Variants in SLBP observed in about 807,000 individuals in gnomAD.
The protein encoded by SLBP is stem-loop histone mRNA binding protein, also known as histone RNA hairpin-binding protein.
SLBP carries 29 observed loss-of-function variants against 39.2 expected under a neutral mutation model. That is an observed-to-expected ratio of 0.74 (90% CI 0.55 to 1.01). The LOEUF (loss-of-function observed/expected upper bound fraction) is 1.01, where lower values mean the gene tolerates loss of function less well. Ranked by LOEUF, SLBP falls within the 50% of genes least tolerant of loss-of-function variation. SLBP has a pLI of 0.00. For synonymous variants in SLBP, 129 were observed against 118.7 expected, an observed-to-expected ratio of 1.09 and a Z score of -0.57; for missense variants, 390 against 350.2, an observed-to-expected ratio of 1.11 and a Z score of -0.91.
intron 2 of SLBP, among the ~76,000 whole-genome samples, chr4:1,705,591 T>C (rs1215917904): frequency 6.6e-6 from 1 of 152,218 alleles, no homozygotes; most frequent in African/African-American, 2.4e-5. Context: ...GCTGACACCT[T>C]CTCACCATGT....
Position 1,703,694 on chromosome 4 carries a change from G to A in SLBP, c.183C>T (p.Thr61=). ...RGAERRPESF[T]TPEGPKPRSR... ...AACGGGGTTTAGGGCCTTCAGGAGT[G>A]GTAAAGCTGCAATAAAAGGAAAATG... The change falls in exon 3 of 8, where the codon ACC becomes ACT. Residue 61 remains threonine (T), a synonymous_variant. Coordinates refer to ENST00000489418, the MANE Select transcript of SLBP (RefSeq NM_006527.4). 6.2e-7 allele frequency: 1 copy of A among 1,607,438 alleles called. No individual in the cohort carries two copies. The highest frequency in any genetic ancestry group is 1.3e-5 in the African/African-American group (1 of 74,910).
rs1715968794 is a variant in SLBP at position 1,692,862 on chromosome 4, T to C, written c.*735A>G. ...CAAAAGCAATAGAAACGTAACAGTC[T>C]TAACAAGAAGTTTACAATTGAATAT... On this transcript the variant is annotated 3_prime_UTR_variant, in exon 8 of 8. Coordinates refer to ENST00000489418, the MANE Select transcript of SLBP (RefSeq NM_006527.4). The C allele has an allele frequency of 6.6e-6, 1 of 152,650 alleles. No homozygotes were observed. The highest frequency in any genetic ancestry group is 1.5e-5 in the Non-Finnish European group (1 of 68,044). The allele number at this position is 152,650 out of a possible 1,614,324, so 9.5% of individuals were successfully genotyped here.
At chr4:1,711,535 TCTC>T (rs957239182) in intron 2 of SLBP, among the ~76,000 whole-genome samples, 9 of 151,920 alleles carry the variant, frequency 5.9e-5, no homozygotes, top group East Asian at 1.9e-4. Flanking sequence ...TCAACTCACT[TCTC>T]CTCGGGACTC....
intron 2 of SLBP, among the ~76,000 whole-genome samples, chr4:1,707,971 C>G (rs1472103798): frequency 1.3e-5 from 2 of 151,320 alleles, no homozygotes; most frequent in African/African-American, 4.9e-5. Context: ...CTCAGCTACT[C>G]AGGAGGCTGA....
intron 7 of SLBP, 23 bp from the exon 8 acceptor site, chr4:1,693,736 G>A (rs764238074): frequency 8.7e-6 from 13 of 1,487,376 alleles, no homozygotes; most frequent in Middle Eastern, 1.7e-4. Context: ...AGCATGGCTC[G>A]GTTGACATTC....
chr4:1,697,619 T>C (rs965483856), intron 5 of SLBP, among the ~76,000 whole-genome samples: 8 of 152,018 alleles, frequency 5.3e-5, no homozygotes, highest in African/African-American at 1.9e-4. Context: ...GGCAGGCAGA[T>C]CACCCAAAGT....
In SLBP at chr4:1,694,801, C is replaced by T. The variant is rs1038372962; in HGVS notation, c.669G>A (p.Glu223=). 1.9e-6 allele frequency: 3 copies of T among 1,613,802 alleles called. No homozygotes were observed. The highest frequency in any genetic ancestry group is 1.3e-5 in the African/African-American group (1 of 75,038). The change falls in exon 7 of 8, where the codon GAG becomes GAA. Residue 223 remains glutamate, a synonymous_variant. Transcript: ENST00000489418. ...VDLESAESSS[E]PQTSSQDDFD... ...AGTCATCCTGAGAGCTGGTCTGGGG[C>T]TCGGAGCTGCTTTCTGCAGATTCAA...
In SLBP at chr4:1,712,212, C is replaced by G; in HGVS notation, c.-24G>C. ...ATGGCAGCACGGGCCGGGCGCGCAGCGCAGGGCCGAGGCTGAGGCGGCGGC... is the reference window on the plus strand; with the variant it reads ...ATGGCAGCACGGGCCGGGCGCGCAGGGCAGGGCCGAGGCTGAGGCGGCGGC... On this transcript the variant is annotated 5_prime_UTR_variant, in exon 1 of 8. Coordinates refer to ENST00000489418, the MANE Select transcript of SLBP (RefSeq NM_006527.4). 7.9e-7 allele frequency: 1 copy of G among 1,257,964 alleles called. No individual in the cohort carries two copies. The highest frequency in any genetic ancestry group is 1.0e-6 in the Non-Finnish European group (1 of 1,000,296). The allele number at this position is 1,257,964 out of a possible 1,614,324, so 77.9% of individuals were successfully genotyped here.
At chr4:1,701,483 T>C (rs1435026376) in intron 3 of SLBP, among the ~76,000 whole-genome samples, 2 of 152,214 alleles carry the variant, frequency 1.3e-5, no homozygotes, top group Admixed American at 1.3e-4. Flanking sequence ...TGCTAGTTTG[T>C]AGTCTGTTAG....
At chr4:1,704,155 C>G (rs1716432164) in intron 2 of SLBP, among the ~76,000 whole-genome samples, 1 of 152,188 alleles carries the variant, frequency 6.6e-6, no homozygotes, top group Non-Finnish European at 1.5e-5. Flanking sequence ...TGGGTGTCCA[C>G]ACTTCAGTAG....
In SLBP at chr4:1,711,875, T is replaced by A; in HGVS notation, c.175A>T (p.Ser59Cys). 1 of 1,340,828 alleles carries A rather than the reference T, an allele frequency of 7.5e-7. No homozygotes were observed. The highest frequency in any genetic ancestry group is 9.6e-7 in the Non-Finnish European group (1 of 1,045,268). The allele number at this position is 1,340,828 out of a possible 1,614,324, so 83.1% of individuals were successfully genotyped here. The change falls in exon 2 of 8, where the codon AGC (serine) becomes TGC (cysteine). Residue 59 changes from serine to cysteine, a missense_variant and splice_region_variant. Coordinates refer to ENST00000489418, the MANE Select transcript of SLBP (RefSeq NM_006527.4). ...CCGACCCCCGGGTCCCGCGCCCACC[T>A]CTCGGGTCTGCGCTCGGCGCCGCGG... ...EHRGAERRPE[S>C]FTTPEGPKPR...
chr4:1,696,099 G>T (rs1049379495), intron 6 of SLBP, 103 bp downstream of exon 6: 2 of 992,282 alleles, frequency 2.0e-6, no homozygotes, highest in Non-Finnish European at 2.9e-6. Context: ...CCCAACAGCT[G>T]CTGGGGGACT....
At chr4:1,708,681 T>G (rs1414654170) in intron 2 of SLBP, among the ~76,000 whole-genome samples, 3 of 152,256 alleles carry the variant, frequency 2.0e-5, no homozygotes, top group African/African-American at 7.2e-5. Flanking sequence ...ATTTCTTAGA[T>G]TAAGTAGGTT....
intron 3 of SLBP, among the ~76,000 whole-genome samples, chr4:1,701,288 G>C (rs1716318389): frequency 6.6e-6 from 1 of 151,798 alleles, no homozygotes; most frequent in East Asian, 2.0e-4. Context: ...TGAGATTACA[G>C]GTTGCTGCCA....
chr4:1,700,750 G>A lies in SLBP; in HGVS notation c.282-680C>T, dbSNP rs190965862. On this transcript the variant is annotated intron_variant, in intron 3 of 7. Coordinates refer to ENST00000489418, the MANE Select transcript of SLBP (RefSeq NM_006527.4). ...CCAAAAAAATTTTTTTCTTTTTTTG[G>A]AGACATGGAGGTCTGTGTTGCCCAG... Among the ~76,000 whole-genome samples, 1,034 of 151,838 alleles carry A rather than the reference G, an allele frequency of 6.8e-3. 6 individuals are homozygous for A. Among genetic ancestry groups the A allele is most frequent in the Middle Eastern group, 0.02 (6 of 294 alleles).
At chr4:1,699,935 T>C in intron 4 of SLBP, 76 bp downstream of exon 4, 1 of 1,078,410 alleles carries the variant, frequency 9.3e-7, no homozygotes, top group Admixed American at 2.2e-5. Context: ...TCAGCATTTC[T>C]GACAGTCACA....
Position 1,699,699 on chromosome 4 carries a change from G to C in SLBP, c.344C>G (p.Ser115Cys). 1 of 1,612,746 alleles carries C rather than the reference G, an allele frequency of 6.2e-7. No individual in the cohort carries two copies. The highest frequency in any genetic ancestry group is 8.5e-7 in the Non-Finnish European group (1 of 1,179,428). ...AGTAGACATAGACTCCTTTGAATCA[G>C]AACTGAAAAAACAACAGATTAACAG... ...GRERKSSSGS[S>C]DSKESMSTVP... is the part of the protein sequence containing the mutation. Residue 115 changes from serine to cysteine, a missense_variant and splice_region_variant, in exon 5 of 8, where the codon TCT becomes TGT. Transcript: ENST00000489418.
At chr4:1,697,240 G>C (rs544579272) in intron 5 of SLBP, among the ~76,000 whole-genome samples, 46 of 150,048 alleles carry the variant, frequency 3.1e-4, no homozygotes, top group African/African-American at 1.1e-3. Flanking sequence ...GGCTGAGGCA[G>C]GCAGATCACC....
chr4:1,700,726 C>CA (rs1288426515), intron 3 of SLBP, among the ~76,000 whole-genome samples: 1 of 151,954 alleles, frequency 6.6e-6, no homozygotes, highest in Non-Finnish European at 1.5e-5. Flanking sequence ...CAACCATCTC[C>CA]AAAAAAATTT....
Sources: gnomAD v4.1 joint callset for allele counts (sites outside exome capture counted in the v4.1 genomes callset) on GRCh38, gnomAD v4.1.1 for gene constraint, MANE v1.5 for transcripts, NCBI Gene and HGNC (gene_info 2026-07-23, HGNC 2026-07-21) for gene names.